The following CEP63 variants were observed in gnomAD, a reference collection of about 807,000 sequenced individuals.
The protein encoded by CEP63 is centrosomal protein of 63 kDa.
Under a neutral mutation model 89.1 loss-of-function variants are expected in CEP63, and 84 were observed. The ratio of observed to expected loss-of-function variants is 0.94; its 90% CI spans 0.79 to 1.13. The LOEUF (loss-of-function observed/expected upper bound fraction) is 1.13, where lower values mean the gene tolerates loss of function less well. Ranked by LOEUF, CEP63 falls within the 50% of genes most tolerant of loss-of-function variation. The probability of loss-of-function intolerance (pLI) is 0.00; values close to 1 mark genes in which losing one functional copy is unlikely to be tolerated. For missense variants in CEP63, 838 were observed against 813.3 expected (o/e 1.03, Z -0.37); for synonymous variants, 267 against 272.5 (o/e 0.98, Z 0.20).
chr3:134,519,271 G>A (rs527405918), intron 3 of CEP63, among the ~76,000 whole-genome samples: 6 of 151,502 alleles, frequency 4.0e-5, no homozygotes, highest in Middle Eastern at 3.4e-3. Context: ...CTGCAGGTGC[G>A]CACCACCATG....
chr3:134,618,997 GA>G, the CEP63 span: 3 of 638,772 alleles, frequency 4.7e-6, no homozygotes, highest in Non-Finnish European at 8.4e-6. Flanking sequence ...TAAAAAGGGA[GA>G]AATTGACCTT....
At chr3:134,637,025 T>C in the CEP63 span, among the ~76,000 whole-genome samples, 22 of 152,356 alleles carry the variant, frequency 1.4e-4, no homozygotes, top group East Asian at 1.9e-3. Flanking sequence ...ACTGTCTTTT[T>C]TGTGTAGCTC....
intron 11 of CEP63, among the ~76,000 whole-genome samples, 155 bp downstream of exon 11, chr3:134,550,415 A>G (rs576793375): frequency 3.9e-5 from 6 of 152,306 alleles, no homozygotes; most frequent in Admixed American, 3.3e-4. Context: ...TTTAGTGAGC[A>G]TGGTGGGGAG....
downstream of CEP63, among the ~76,000 whole-genome samples, chr3:134,567,312 A>G (rs1330047426): frequency 6.6e-6 from 1 of 152,132 alleles, no homozygotes; most frequent in Non-Finnish European, 1.5e-5. Context: ...GGAGGTGAAG[A>G]CTAAAGGGTA....
intron 11 of CEP63, among the ~76,000 whole-genome samples, chr3:134,574,501 G>A (rs1211217610): frequency 6.6e-6 from 1 of 152,168 alleles, no homozygotes; most frequent in African/African-American, 2.4e-5. Context: ...GCTACAGGGT[G>A]CCTGCTCCAA....
chr3:134,737,479 T>C, the CEP63 span, among the ~76,000 whole-genome samples: 1 of 152,092 alleles, frequency 6.6e-6, no homozygotes, highest in Non-Finnish European at 1.5e-5. Flanking sequence ...ACAAAAGATA[T>C]AAATAAGTAA....
chr3:134,701,363 C>T, the CEP63 span, among the ~76,000 whole-genome samples: 1 of 15,606 alleles, frequency 6.4e-5, no homozygotes, highest in Non-Finnish European at 2.7e-4. Flanking sequence ...TGTATATATA[C>T]ATATACACAC....
Position 134,495,372 on chromosome 3 carries a change from T to C in CEP63, c.44+8T>C, listed in dbSNP as rs764572077. ...AAATCGAGGGCATGGTGGGTAAGTT[T>C]GCTTTTTTTAAAATTAATTTTTTTG... On this transcript the variant is annotated splice_region_variant and intron_variant, in intron 2 of 14. Transcript: ENST00000675561. 1 of 1,606,824 alleles carries C rather than the reference T, an allele frequency of 6.2e-7. No individual in the cohort carries two copies. The highest frequency in any genetic ancestry group is 8.5e-7 in the Non-Finnish European group (1 of 1,173,626).
At chr3:134,753,172 A>G in the CEP63 span, among the ~76,000 whole-genome samples, 3 of 152,110 alleles carry the variant, frequency 2.0e-5, no homozygotes, top group African/African-American at 7.2e-5. Flanking sequence ...CTGCCTGTCT[A>G]TCAGTGGGTG....
chr3:134,780,815 G>C, the CEP63 span, among the ~76,000 whole-genome samples: 3 of 152,060 alleles, frequency 2.0e-5, no homozygotes, highest in Non-Finnish European at 4.4e-5. Context: ...TTCCTTTGTA[G>C]TTTGTGCTTT....
intron 12 of CEP63, among the ~76,000 whole-genome samples, chr3:134,555,116 C>T (rs62271476): frequency 0.13 from 19,717 of 150,872 alleles, 1,502 homozygotes; most frequent in East Asian, 0.2. Context: ...ATTGATGGGA[C>T]GTATTTCAAA....
upstream of CEP63, chr3:134,485,959 C>A: frequency 1.0e-6 from 1 of 980,254 alleles, no homozygotes; most frequent in Non-Finnish European, 1.2e-6. Flanking sequence ...TACCGGCACC[C>A]GGCCACCGCG....
At chr3:134,497,741 T>G (rs529431375) in intron 2 of CEP63, among the ~76,000 whole-genome samples, 3 of 149,176 alleles carry the variant, frequency 2.0e-5, no homozygotes, top group South Asian at 2.1e-4. Context: ...TTGAGTTGAT[T>G]TTTTTTTTAA....
chr3:134,594,131 A>G, the CEP63 span, among the ~76,000 whole-genome samples: 1 of 152,236 alleles, frequency 6.6e-6, no homozygotes, highest in Admixed American at 6.5e-5. Flanking sequence ...CAAAGTGTTC[A>G]CTAGGAAATC....
At chr3:134,486,011 A>G (rs1037748311), upstream of CEP63, 4 of 820,484 alleles carry the variant, frequency 4.9e-6, no homozygotes, top group African/African-American at 6.9e-5. Flanking sequence ...CCTCCCCCGC[A>G]TCACGTGTCT....
the CEP63 span, among the ~76,000 whole-genome samples, chr3:134,701,045 T>C: frequency 6.6e-6 from 1 of 151,582 alleles, no homozygotes; most frequent in Non-Finnish European, 1.5e-5. Flanking sequence ...TTTGTGTGTG[T>C]CATTTTGTTG....
chr3:134,558,671 A>T (rs1348023789), intron 13 of CEP63, among the ~76,000 whole-genome samples: 1 of 152,182 alleles, frequency 6.6e-6, no homozygotes, highest in East Asian at 1.9e-4. Context: ...TTTTATAAAC[A>T]GCTTCCTTTG....
chr3:134,547,279 A>C, intron 8 of CEP63, 56 bp from the exon 9 acceptor site: 1 of 1,529,738 alleles, frequency 6.5e-7, no homozygotes, highest in Admixed American at 1.7e-5. Flanking sequence ...CTAGATGAGC[A>C]TTATTTTTGT....
chr3:134,495,421 T>A (rs1055804980), intron 2 of CEP63, 57 bp downstream of exon 2: 4 of 1,116,380 alleles, frequency 3.6e-6, no homozygotes, highest in African/African-American at 3.1e-5. Context: ...TACATATTTA[T>A]AGGGTTCACA....
Sources: gnomAD v4.1 joint callset for allele counts (sites outside exome capture counted in the v4.1 genomes callset) on GRCh38, gnomAD v4.1.1 for gene constraint, MANE v1.5 for transcripts, NCBI Gene and HGNC (gene_info 2026-07-23, HGNC 2026-07-21) for gene names.